Variants in EXOC6B observed in about 807,000 individuals in gnomAD.
The protein encoded by EXOC6B is exocyst complex component 6B.
A neutral mutation model predicts 113.5 loss-of-function variants in EXOC6B; 54 were observed. That is an observed-to-expected ratio of 0.48 (90% CI 0.38 to 0.60). The LOEUF is 0.60. Among genes scored for constraint, EXOC6B ranks in the 20% least tolerant of loss-of-function variants. The pLI is 0.00. For synonymous variants in EXOC6B, 357 were observed against 339.0 expected (o/e 1.05, Z -0.58); for missense variants, 797 against 977.5 (o/e 0.82, Z 2.46).
At chr2:72,282,334 T>C (rs1050275777) in intron 20 of EXOC6B, among the ~76,000 whole-genome samples, 1 of 152,072 alleles carries the variant, frequency 6.6e-6, no homozygotes, top group African/African-American at 2.4e-5. Context: ...AAGTTGAAGA[T>C]TTTCTGGGAT....
chr2:72,530,295 G>A (rs920287862), intron 8 of EXOC6B, among the ~76,000 whole-genome samples: 2 of 152,146 alleles, frequency 1.3e-5, no homozygotes, highest in East Asian at 1.9e-4. Context: ...AACACTGTGT[G>A]CCACAAATCT....
intron 8 of EXOC6B, among the ~76,000 whole-genome samples, chr2:72,519,351 C>A (rs1298580666): frequency 6.6e-6 from 1 of 152,072 alleles, no homozygotes; most frequent in Non-Finnish European, 1.5e-5. Flanking sequence ...ATAGTACCAA[C>A]GTGCTGTCTA....
intron 6 of EXOC6B, among the ~76,000 whole-genome samples, chr2:72,698,136 G>C (rs1288259183): frequency 1.3e-5 from 2 of 152,092 alleles, no homozygotes; most frequent in Non-Finnish European, 2.9e-5. Context: ...TCACTGGAGA[G>C]GGGAAGATTG....
At chr2:72,428,846 C>T (rs920352341) in intron 18 of EXOC6B, among the ~76,000 whole-genome samples, 56 of 152,298 alleles carry the variant, frequency 3.7e-4, no homozygotes, top group African/African-American at 1.3e-3. Flanking sequence ...TGGCTCTTTT[C>T]GTCCTTTTCA....
At chr2:72,367,160 CAT>C (rs1265072975) in intron 19 of EXOC6B, among the ~76,000 whole-genome samples, 2 of 151,726 alleles carry the variant, frequency 1.3e-5, no homozygotes, top group African/African-American at 2.4e-5. Flanking sequence ...AAGGACAAAA[CAT>C]AGAAGAAAAA....
intron 6 of EXOC6B, among the ~76,000 whole-genome samples, chr2:72,620,904 G>T (rs1671702751): frequency 6.6e-6 from 1 of 152,006 alleles, no homozygotes; most frequent in Non-Finnish European, 1.5e-5. Context: ...TGAAAAAAAT[G>T]CTCATCATCA....
chr2:72,646,937 G>A (rs1455950905), intron 6 of EXOC6B, among the ~76,000 whole-genome samples: 3 of 152,164 alleles, frequency 2.0e-5, no homozygotes, highest in Non-Finnish European at 4.4e-5. Context: ...CATAATGTTG[G>A]AAGTTCTGGC....
chr2:72,232,056 C>A (rs1681658086), intron 20 of EXOC6B, among the ~76,000 whole-genome samples: 2 of 152,126 alleles, frequency 1.3e-5, no homozygotes, highest in African/African-American at 4.8e-5. Context: ...CTCACTGCAA[C>A]CTCCGCCTAC....
At chr2:72,812,840 T>C (rs1685997244) in intron 1 of EXOC6B, among the ~76,000 whole-genome samples, 1 of 152,124 alleles carries the variant, frequency 6.6e-6, no homozygotes, top group Admixed American at 6.5e-5. Flanking sequence ...ATATTACATA[T>C]AGCTACACCA....
chr2:72,234,584 G>A (rs1274593176), intron 20 of EXOC6B, among the ~76,000 whole-genome samples: 1 of 152,086 alleles, frequency 6.6e-6, no homozygotes, highest in Non-Finnish European at 1.5e-5. Context: ...AAACTAAAGA[G>A]CTTCTGCACA....
chr2:72,308,558 G>A (rs1687017974), intron 20 of EXOC6B, among the ~76,000 whole-genome samples: 1 of 152,144 alleles, frequency 6.6e-6, no homozygotes, highest in Non-Finnish European at 1.5e-5. Context: ...AGAGGTGTTG[G>A]GAAATTTAAG....
At chr2:72,741,575 T>C in intron 1 of EXOC6B, 106 bp from the exon 2 acceptor site, 1 of 937,592 alleles carries the variant, frequency 1.1e-6, no homozygotes. Context: ...CACAAAATAA[T>C]CCAACTGTAT....
intron 1 of EXOC6B, among the ~76,000 whole-genome samples, chr2:72,751,639 T>C (rs1472643479): frequency 6.6e-6 from 1 of 152,082 alleles, no homozygotes; most frequent in African/African-American, 2.4e-5. Flanking sequence ...ATAAAAACTA[T>C]AACAACTGTT....
chr2:72,407,191 A>G (rs1159668272), intron 18 of EXOC6B, among the ~76,000 whole-genome samples: 2 of 152,204 alleles, frequency 1.3e-5, no homozygotes, highest in Non-Finnish European at 2.9e-5. Context: ...TGAATAGACC[A>G]ATAACAGGCT....
intron 20 of EXOC6B, among the ~76,000 whole-genome samples, chr2:72,243,979 C>G (rs1682493022): frequency 6.6e-6 from 1 of 152,138 alleles, no homozygotes; most frequent in South Asian, 2.1e-4. Context: ...AGACCATTAT[C>G]AGTAATTGTC....
At chr2:72,552,943 T>G (rs949380488) in intron 8 of EXOC6B, among the ~76,000 whole-genome samples, 3 of 151,944 alleles carry the variant, frequency 2.0e-5, no homozygotes, top group Non-Finnish European at 4.4e-5. Context: ...TCTTTAAGAT[T>G]AGAAATCAGA....
intron 6 of EXOC6B, among the ~76,000 whole-genome samples, chr2:72,674,046 T>C (rs575499601): frequency 6.6e-6 from 1 of 152,306 alleles, no homozygotes; most frequent in East Asian, 1.9e-4. Context: ...GGTTTCATAT[T>C]TAAAACTTCC....
At chr2:72,476,474 T>C (rs1354281078) in intron 17 of EXOC6B, among the ~76,000 whole-genome samples, 1 of 152,204 alleles carries the variant, frequency 6.6e-6, no homozygotes, top group Non-Finnish European at 1.5e-5. Flanking sequence ...TCCTCTTTCA[T>C]ATCTTTTCCT....
chr2:72,717,366 T>C, intron 6 of EXOC6B, among the ~76,000 whole-genome samples: 1 of 152,178 alleles, frequency 6.6e-6, no homozygotes, highest in Non-Finnish European at 1.5e-5. Flanking sequence ...AACCAAAAAG[T>C]ACTTTCCATA....
Sources: gnomAD v4.1 joint callset for allele counts (sites outside exome capture counted in the v4.1 genomes callset) on GRCh38, gnomAD v4.1.1 for gene constraint, MANE v1.5 for transcripts, NCBI Gene and HGNC (gene_info 2026-07-23, HGNC 2026-07-21) for gene names.